DLG2: variants seen among roughly 807,000 people sequenced by gnomAD.
DLG2 encodes the protein disks large homolog 2.
DLG2 carries 45 observed loss-of-function variants against 132.5 expected under a neutral mutation model. The observed-to-expected ratio is 0.34, with a 90% CI of 0.27 to 0.44. The LOEUF is 0.44. Among genes scored for constraint, DLG2 ranks in the 20% least tolerant of loss-of-function variants. DLG2 has a pLI of 1.00. For synonymous variants in DLG2, 424 were observed against 419.6 expected, an observed-to-expected ratio of 1.01 and a Z score of -0.13; for missense variants, 1,045 against 1,196.9, an observed-to-expected ratio of 0.87 and a Z score of 1.87.
At chr11:85,050,344 A>C (rs2062777355) in intron 6 of DLG2, among the ~76,000 whole-genome samples, 1 of 152,096 alleles carries the variant, frequency 6.6e-6, no homozygotes, top group Admixed American at 6.6e-5. Context: ...ATCCTTTCTA[A>C]AAGCAGAAAA....
chr11:83,593,889 G>A (rs947381922), intron 19 of DLG2, among the ~76,000 whole-genome samples: 1 of 151,136 alleles, frequency 6.6e-6, no homozygotes, highest in Non-Finnish European at 1.5e-5. Flanking sequence ...TAAACAGCAT[G>A]CAATAATTCC....
intron 3 of DLG2, among the ~76,000 whole-genome samples, chr11:85,412,725 T>TCTCA (rs1555108877): frequency 7.6e-5 from 7 of 92,256 alleles, no homozygotes; most frequent in East Asian, 5.9e-4. Context: ...GAGCAGTATT[T>TCTCA]CACACACACA....
intron 3 of DLG2, among the ~76,000 whole-genome samples, chr11:85,372,011 T>C (rs1426461624): frequency 1.3e-5 from 2 of 152,258 alleles, no homozygotes; most frequent in South Asian, 2.1e-4. Context: ...TCAAAACTTA[T>C]ACATTTGTCA....
At chr11:84,732,324 T>C (rs186238539) in intron 6 of DLG2, among the ~76,000 whole-genome samples, 1 of 152,186 alleles carries the variant, frequency 6.6e-6, no homozygotes, top group East Asian at 1.9e-4. Context: ...TGTGTTTATA[T>C]TTTAAGAAAC....
At chr11:84,310,584 C>T (rs763163746) in intron 7 of DLG2, among the ~76,000 whole-genome samples, 5 of 152,208 alleles carry the variant, frequency 3.3e-5, no homozygotes, top group African/African-American at 9.6e-5. Flanking sequence ...GTTGACCAAA[C>T]GGCTTCACAT....
chr11:83,929,412 T>C (rs780449167), intron 15 of DLG2, among the ~76,000 whole-genome samples: 18 of 152,200 alleles, frequency 1.2e-4, no homozygotes, highest in Non-Finnish European at 2.5e-4. Context: ...TTAGACTGAA[T>C]TGGAACTACC....
intron 18 of DLG2, among the ~76,000 whole-genome samples, chr11:83,765,826 A>G (rs554396050): frequency 2.6e-5 from 4 of 152,328 alleles, no homozygotes; most frequent in South Asian, 4.1e-4. Flanking sequence ...TTGTGCACCA[A>G]TGGAAAGTTA....
intron 7 of DLG2, among the ~76,000 whole-genome samples, chr11:84,366,765 T>C (rs2098685673): frequency 6.6e-6 from 1 of 152,102 alleles, no homozygotes; most frequent in Non-Finnish European, 1.5e-5. Flanking sequence ...GAGCTAACTA[T>C]CCTAAATATA....
chr11:84,323,434 T>G (rs1428027719), intron 7 of DLG2, among the ~76,000 whole-genome samples: 1 of 152,212 alleles, frequency 6.6e-6, no homozygotes, highest in Non-Finnish European at 1.5e-5. Context: ...TGTTTATCCA[T>G]TCATTCATCA....
intron 3 of DLG2, among the ~76,000 whole-genome samples, chr11:85,450,697 C>G (rs1034861315): frequency 6.6e-6 from 1 of 152,182 alleles, no homozygotes; most frequent in Non-Finnish European, 1.5e-5. Flanking sequence ...TTACTCTCAT[C>G]ATTACATTGA....
chr11:83,961,528 T>C (rs1329852501), intron 14 of DLG2, among the ~76,000 whole-genome samples: 2 of 152,020 alleles, frequency 1.3e-5, no homozygotes, highest in African/African-American at 2.4e-5. Context: ...AATGTCTACA[T>C]CTCTAAAATG....
chr11:85,211,856 A>G (rs991743595), intron 4 of DLG2, among the ~76,000 whole-genome samples: 5 of 152,166 alleles, frequency 3.3e-5, no homozygotes, highest in African/African-American at 1.2e-4. Context: ...ATTAGTAGAT[A>G]ATAAGCTCCA....
intron 7 of DLG2, among the ~76,000 whole-genome samples, chr11:84,518,165 C>G (rs1274382658): frequency 1.1e-5 from 1 of 92,498 alleles, no homozygotes; most frequent in Non-Finnish European, 2.5e-5. Flanking sequence ...TAGTGGCCAA[C>G]GTAACAACTG....
chr11:83,897,031 G>C (rs1475873246), intron 15 of DLG2, among the ~76,000 whole-genome samples: 1 of 152,118 alleles, frequency 6.6e-6, no homozygotes, highest in Non-Finnish European at 1.5e-5. Context: ...ACTTTTAATA[G>C]ATGCTGGTCA....
chr11:84,053,490 A>G (rs2096441047), intron 11 of DLG2, among the ~76,000 whole-genome samples: 3 of 152,094 alleles, frequency 2.0e-5, no homozygotes, highest in Admixed American at 2.0e-4. Flanking sequence ...ATTATATTAA[A>G]TACAATCTAA....
chr11:84,916,907 TTTTG>T (rs2092502566), intron 6 of DLG2, among the ~76,000 whole-genome samples: 1 of 152,214 alleles, frequency 6.6e-6, no homozygotes, highest in Non-Finnish European at 1.5e-5. Context: ...AACATGTATA[TTTTG>T]TTTATGTGTT....
chr11:84,801,694 C>T (rs561208195), intron 6 of DLG2, among the ~76,000 whole-genome samples: 1 of 152,276 alleles, frequency 6.6e-6, no homozygotes, highest in East Asian at 1.9e-4. Flanking sequence ...TTAATGTCTG[C>T]AGTGAAAAGA....
chr11:85,428,637 G>C (rs1428803205), intron 3 of DLG2, among the ~76,000 whole-genome samples: 1 of 152,162 alleles, frequency 6.6e-6, no homozygotes, highest in South Asian at 2.1e-4. Flanking sequence ...AGTGTGTAGA[G>C]GGAAATTTAT....
chr11:83,584,668 G>A (rs1380343701), intron 19 of DLG2, among the ~76,000 whole-genome samples: 2 of 152,206 alleles, frequency 1.3e-5, no homozygotes, highest in African/African-American at 2.4e-5. Context: ...AAACTCTAAA[G>A]ATAGAGGATT....
Sources: allele counts gnomAD v4.1 joint callset (sites outside exome capture counted in the v4.1 genomes callset), GRCh38; gene constraint gnomAD v4.1.1; transcripts MANE v1.5; gene names NCBI Gene and HGNC (gene_info 2026-07-23, HGNC 2026-07-21).